SHANK2: variants seen among roughly 807,000 people sequenced by gnomAD.
SHANK2 encodes the protein SH3 and multiple ankyrin repeat domains 2, also known as SH3 and multiple ankyrin repeat domains protein 2.
A neutral mutation model predicts 133.7 loss-of-function variants in SHANK2; 43 were observed. That is an observed-to-expected ratio of 0.32 (90% CI 0.25 to 0.41). SHANK2 has a LOEUF of 0.41. Among genes scored for constraint, SHANK2 ranks in the 10% least tolerant of loss-of-function variants. The pLI is 1.00. For missense variants in SHANK2, 1,994 were observed against 2,235.8 expected (o/e 0.89, Z 2.18); for synonymous variants, 1,017 against 952.8 (o/e 1.07, Z -1.24).
intron 17 of SHANK2, among the ~76,000 whole-genome samples, chr11:70,589,879 C>T (rs1591618571): frequency 1.3e-5 from 2 of 152,266 alleles, no homozygotes; most frequent in East Asian, 1.9e-4. Context: ...GCTGGCCGGG[C>T]ACGGTGGCTC....
At chr11:70,913,322 CA>C (rs1555079370) in intron 10 of SHANK2, among the ~76,000 whole-genome samples, 1 of 152,010 alleles carries the variant, frequency 6.6e-6, no homozygotes, top group Non-Finnish European at 1.5e-5. Flanking sequence ...ATGGAATACC[CA>C]GGGGGCTCTA....
Position 70,867,026 on chromosome 11 carries a change from G to A in SHANK2, c.1174+29475C>T, listed in dbSNP as rs1389632711. The stretch of plus-strand genomic sequence containing the variant: ...CATTCCATGAAGCCAGGAGCCAAAC[G>A]AATGATATGCCGTGGACACCACCAT... On this transcript the variant is annotated intron_variant, in intron 11 of 25. Transcript: ENST00000601538. Among the ~76,000 whole-genome samples the A allele has an allele frequency of 4.6e-5, 7 of 151,314 alleles. No individual in the cohort carries two copies. In the East Asian group the frequency reaches 5.9e-4, roughly 13 times the overall value.
chr11:70,651,011 T>C (rs370377276), intron 17 of SHANK2, among the ~76,000 whole-genome samples: 2 of 152,178 alleles, frequency 1.3e-5, no homozygotes, highest in East Asian at 3.9e-4. Context: ...CACACACACT[T>C]TTATTTACAG....
intron 15 of SHANK2, among the ~76,000 whole-genome samples, chr11:70,680,518 C>A (rs1555018149): frequency 6.6e-6 from 1 of 152,186 alleles, no homozygotes; most frequent in Non-Finnish European, 1.5e-5. Context: ...CTGCCTCTGA[C>A]CCCCTGCCCT....
intron 17 of SHANK2, among the ~76,000 whole-genome samples, chr11:70,586,813 C>A (rs1192205710): frequency 3.3e-5 from 5 of 152,206 alleles, no homozygotes; most frequent in African/African-American, 9.6e-5. Context: ...GGAAGGACAC[C>A]AGTACCTCAC....
At chr11:70,717,529 A>G (rs1198980473) in intron 14 of SHANK2, among the ~76,000 whole-genome samples, 1 of 152,162 alleles carries the variant, frequency 6.6e-6, no homozygotes, top group Non-Finnish European at 1.5e-5. Context: ...AGTCCCCCTA[A>G]AACACACCAA....
intron 14 of SHANK2, among the ~76,000 whole-genome samples, chr11:70,762,975 T>C (rs1245399667): frequency 6.6e-5 from 10 of 152,178 alleles, no homozygotes; most frequent in Admixed American, 6.5e-4. Context: ...CACACCACCA[T>C]GAGGCCCGGC....
chr11:70,637,522 C>A lies in SHANK2; in HGVS notation c.2061+22306G>T, dbSNP rs530966336. 3.3e-5 allele frequency among the ~76,000 whole-genome samples: 5 copies of A among 152,224 alleles called. No individual in the cohort carries two copies. The East Asian group carries it at 9.7e-4, about 30-fold the overall frequency. On this transcript the variant is annotated intron_variant, in intron 17 of 25. Coordinates refer to ENST00000601538, the MANE Select transcript of SHANK2 (RefSeq NM_012309.5). ...CAGAGACAAATGAGCGGCCGGAGAG[C>A]CAGCCCATGATAGGCAGCTCCTCAG...
At chr11:70,611,412 C>T (rs781891678) in intron 17 of SHANK2, among the ~76,000 whole-genome samples, 1 of 152,206 alleles carries the variant, frequency 6.6e-6, no homozygotes, top group Admixed American at 6.5e-5. Context: ...CAGCCAGAGC[C>T]CTGGGCTGCT....
intron 17 of SHANK2, among the ~76,000 whole-genome samples, chr11:70,618,062 C>T (rs1176620776): frequency 3.3e-5 from 5 of 151,962 alleles, no homozygotes; most frequent in Non-Finnish European, 2.9e-5. Context: ...CTTTGGGGGG[C>T]GAGGCAGGTG....
intron 15 of SHANK2, among the ~76,000 whole-genome samples, chr11:70,675,246 A>C (rs1286619632): frequency 6.6e-6 from 1 of 152,226 alleles, no homozygotes; most frequent in African/African-American, 2.4e-5. Flanking sequence ...GTAATAATTC[A>C]TAATTAGAGT....
intron 14 of SHANK2, among the ~76,000 whole-genome samples, chr11:70,793,162 A>G (rs886315407): frequency 1.3e-5 from 2 of 152,204 alleles, no homozygotes; most frequent in African/African-American, 4.8e-5. Flanking sequence ...CATACAGTTG[A>G]CCCTTGAACA....
intron 2 of SHANK2, among the ~76,000 whole-genome samples, chr11:71,151,160 A>G (rs1555108013): frequency 6.6e-6 from 1 of 152,124 alleles, no homozygotes; most frequent in African/African-American, 2.4e-5. Context: ...CACCCGCCCC[A>G]TCAGCCCTGG....
chr11:70,791,990 A>C (rs1694585022), intron 14 of SHANK2, among the ~76,000 whole-genome samples: 1 of 152,212 alleles, frequency 6.6e-6, no homozygotes, highest in African/African-American at 2.4e-5. Context: ...GGCTCAGGTG[A>C]GTAAGCCCAC....
chr11:71,198,026 C>T (rs574070839), intron 2 of SHANK2, among the ~76,000 whole-genome samples: 2 of 152,294 alleles, frequency 1.3e-5, no homozygotes, highest in East Asian at 1.9e-4. Flanking sequence ...CAGCAGTTGC[C>T]GAAGCTTCAC....
intron 15 of SHANK2, among the ~76,000 whole-genome samples, chr11:70,674,624 G>GA (rs1490124338): frequency 6.6e-6 from 1 of 152,238 alleles, no homozygotes; most frequent in Non-Finnish European, 1.5e-5. Flanking sequence ...GTTGGGATTA[G>GA]AGGCGTGAGC....
At position 70,739,097 on chromosome 11, in the gene SHANK2, G is replaced by A. The variant is rs1262743344; in HGVS notation, c.1778-40334C>T. Among the ~76,000 whole-genome samples the A allele has an allele frequency of 6.6e-6, 1 of 152,142 alleles. No homozygotes were observed. ...ATCTGGCCCCATTGTCTGGGGACAGGACACACTCCACTTTATCTCCTGGCC... is the reference window on the plus strand; with the variant it reads ...ATCTGGCCCCATTGTCTGGGGACAGAACACACTCCACTTTATCTCCTGGCC... On this transcript the variant is annotated intron_variant, in intron 14 of 25. Transcript: ENST00000601538. The surrounding 1 kb of genome is among the most constrained non-coding windows in gnomAD (Gnocchi z 4.3).
At chr11:70,751,428 C>G (rs782275046) in intron 14 of SHANK2, among the ~76,000 whole-genome samples, 13 of 152,074 alleles carry the variant, frequency 8.5e-5, no homozygotes, top group Non-Finnish European at 1.6e-4. Flanking sequence ...AAATATCCTT[C>G]AGGAATAAAG....
chr11:71,145,297 G>T (rs1590955415), intron 3 of SHANK2, among the ~76,000 whole-genome samples: 2 of 152,140 alleles, frequency 1.3e-5, no homozygotes, highest in South Asian at 4.1e-4. Context: ...GAGATAATGA[G>T]CTAAAAAGAA....
Sources: allele counts gnomAD v4.1 joint callset (sites outside exome capture counted in the v4.1 genomes callset), GRCh38; gene constraint gnomAD v4.1.1; non-coding constraint Gnocchi (gnomAD v3.1); transcripts MANE v1.5; gene names NCBI Gene and HGNC (gene_info 2026-07-23, HGNC 2026-07-21).